Variants in CSMD1 observed in about 807,000 individuals in gnomAD.
CSMD1 encodes CUB and Sushi multiple domains 1.
Under a neutral mutation model 417.5 loss-of-function variants are expected in CSMD1, and 213 were observed. The observed-to-expected ratio is 0.51, with a 90% CI of 0.46 to 0.57. CSMD1 has a LOEUF of 0.57. Ranked by LOEUF, CSMD1 falls within the 20% of genes least tolerant of loss-of-function variation. CSMD1 has a pLI of 0.00. For synonymous variants in CSMD1, 2,862 were observed against 1,736.8 expected (o/e 1.65, Z -16.11); for missense variants, 6,923 against 4,529.7 (o/e 1.53, Z -15.17).
At chr8:3,283,908 A>G (rs1367946701) in intron 26 of CSMD1, among the ~76,000 whole-genome samples, 2 of 152,270 alleles carry the variant, frequency 1.3e-5, no homozygotes, top group African/African-American at 4.8e-5. Context: ...ATGCACATCA[A>G]ATGAGTTTGG....
rs56272726 is a variant in CSMD1 at position 3,709,680 on chromosome 8, GTTTTTTTTTT to G, written c.932-1199_932-1190del. ...GATGGGCTTTAAATTGCAGCAGCAT[GTTTTTTTTTT>G]TTTTTTTTTTTTTTTTTTTCCCTGC... On this transcript the variant is annotated intron_variant, in intron 6 of 69. Transcript: ENST00000635120. Among the ~76,000 whole-genome samples the G allele has an allele frequency of 1.0e-3, 34 of 33,698 alleles. 2 individuals carry two copies. Among genetic ancestry groups the G allele is most frequent in the East Asian group, 3.0e-3 (2 of 676 alleles). The allele number at this position is 33,698 out of a possible 152,430, so 22.1% of individuals were successfully genotyped here. A position where few individuals can be genotyped will look rare whatever the true frequency, so the allele number is the denominator to read the frequency against.
In CSMD1 at chr8:3,182,532, G is replaced by T. The variant is rs968644971; in HGVS notation, c.5621-1318C>A. Among the ~76,000 whole-genome samples, 4 of 150,726 alleles carry T rather than the reference G, an allele frequency of 2.7e-5. No homozygotes were observed. The Middle Eastern group carries it at 9.6e-3, about 360-fold the overall frequency. On this transcript the variant is annotated intron_variant, in intron 36 of 69. Coordinates refer to ENST00000635120, the MANE Select transcript of CSMD1 (RefSeq NM_033225.6). ...ACCCGGCCCCCAAGAGATTTGATCA[G>T]ACCAATAACCCCAGGCAAGGACTCT...
intron 3 of CSMD1, among the ~76,000 whole-genome samples, chr8:4,154,625 G>A (rs1456593308): frequency 6.6e-6 from 1 of 152,146 alleles, no homozygotes; most frequent in Non-Finnish European, 1.5e-5. Context: ...AAAGGCCTAA[G>A]TAAAAAGTTT....
At chr8:3,968,235 T>C (rs895320274) in intron 5 of CSMD1, among the ~76,000 whole-genome samples, 9 of 151,918 alleles carry the variant, frequency 5.9e-5, no homozygotes, top group African/African-American at 2.2e-4. Flanking sequence ...TGTGCCATAA[T>C]CATATTTCTC....
chr8:4,630,527 T>C (rs890084681), intron 2 of CSMD1, among the ~76,000 whole-genome samples: 1 of 152,118 alleles, frequency 6.6e-6, no homozygotes, highest in Non-Finnish European at 1.5e-5. Context: ...CCAGTAATGA[T>C]TGAGCTTACC....
rs76403573 is a variant in CSMD1 at position 4,973,669 on chromosome 8, C to G, written c.85+20663G>C. Among the ~76,000 whole-genome samples, 197 of 152,158 alleles carry G rather than the reference C, an allele frequency of 1.3e-3. 3 individuals are homozygous for G. The East Asian group carries it at 0.021, about 16-fold the overall frequency. ...AGTACACTCTATTGAAGAATAATAC[C>G]CATTCATTATCCTGACCATAAGCAG... On this transcript the variant is annotated intron_variant, in intron 1 of 69. Coordinates refer to ENST00000635120, the MANE Select transcript of CSMD1 (RefSeq NM_033225.6).
intron 5 of CSMD1, among the ~76,000 whole-genome samples, chr8:3,892,699 G>C (rs868685014): frequency 4.2e-5 from 6 of 144,204 alleles, no homozygotes; most frequent in Middle Eastern, 3.7e-3. Context: ...GCACTTATTT[G>C]AGTACATTTA....
intron 8 of CSMD1, among the ~76,000 whole-genome samples, chr8:3,597,966 C>G (rs886222563): frequency 2.0e-5 from 3 of 152,118 alleles, no homozygotes; most frequent in Non-Finnish European, 4.4e-5. Flanking sequence ...GCACATGTAC[C>G]CCAGAACTTA....
chr8:4,702,165 A>C lies in CSMD1; in HGVS notation c.86-64607T>G, dbSNP rs528551997. 2.2e-3 allele frequency among the ~76,000 whole-genome samples: 336 copies of C among 152,326 alleles called. 2 individuals are homozygous for C. The highest frequency in any genetic ancestry group is 7.6e-3 in the African/African-American group (317 of 41,576). ...AAAATAGCTAATGAATGCTGGGCTT[A>C]ATACCTAGGTGATGGGTTGACAGGT... On this transcript the variant is annotated intron_variant, in intron 1 of 69. Coordinates refer to ENST00000635120, the MANE Select transcript of CSMD1 (RefSeq NM_033225.6).
intron 41 of CSMD1, among the ~76,000 whole-genome samples, chr8:3,125,092 G>C (rs1817423834): frequency 6.6e-6 from 1 of 152,106 alleles, no homozygotes; most frequent in South Asian, 2.1e-4. Flanking sequence ...TCCAAACTTG[G>C]ATTCACTGTC....
intron 5 of CSMD1, among the ~76,000 whole-genome samples, chr8:3,875,893 C>G (rs1163477422): frequency 6.6e-6 from 1 of 152,136 alleles, no homozygotes; most frequent in Non-Finnish European, 1.5e-5. Context: ...TAGGAAATCA[C>G]AAGCAAATTT....
At chr8:4,742,256 T>TAA (rs1810664713) in intron 1 of CSMD1, among the ~76,000 whole-genome samples, 1 of 151,450 alleles carries the variant, frequency 6.6e-6, no homozygotes, top group African/African-American at 2.4e-5. Context: ...GGTCTCGATC[T>TAA]CCTGACCTCA....
chr8:2,982,966 G>C (rs540403664), intron 54 of CSMD1, among the ~76,000 whole-genome samples: 45 of 152,188 alleles, frequency 3.0e-4, no homozygotes, highest in Non-Finnish European at 5.9e-4. Context: ...CCTCTCCATG[G>C]CACAGATGCT....
At chr8:4,205,589 G>C (rs553788159) in intron 3 of CSMD1, among the ~76,000 whole-genome samples, 2 of 152,228 alleles carry the variant, frequency 1.3e-5, no homozygotes, top group East Asian at 1.9e-4. Flanking sequence ...TAAATGATGG[G>C]GTAGGATGAA....
intron 3 of CSMD1, among the ~76,000 whole-genome samples, chr8:4,150,177 C>T (rs969318933): frequency 3.9e-5 from 6 of 152,148 alleles, no homozygotes; most frequent in Admixed American, 2.6e-4. Flanking sequence ...CCAGGTATGT[C>T]CTGAGGCATC....
rs545629527 is a variant in CSMD1 at position 3,943,565 on chromosome 8, T to C, written c.818+54338A>G. Among the ~76,000 whole-genome samples the C allele has an allele frequency of 1.2e-4, 18 of 152,190 alleles. 1 individual carries two copies. The South Asian group carries it at 3.7e-3, about 32-fold the overall frequency. On this transcript the variant is annotated intron_variant, in intron 5 of 69. Transcript: ENST00000635120. ...AATCTCTCAAAAAATATGTATTATT[T>C]ACAAAAAGAAAAATAGTGACTTTTC...
chr8:4,419,551 T>C (rs9650515), intron 3 of CSMD1, among the ~76,000 whole-genome samples: 133,139 of 152,204 alleles, frequency 0.87, 58,397 homozygotes, highest in Middle Eastern at 0.95. Context: ...ACAACAAAAG[T>C]TCATTTAATG....
Position 2,962,648 on chromosome 8 carries a change from G to A in CSMD1, c.9455-9C>T. 6.2e-7 allele frequency: 1 copy of A among 1,611,530 alleles called. No homozygotes were observed. The highest frequency in any genetic ancestry group is 8.5e-7 in the Non-Finnish European group (1 of 1,178,462). The stretch of plus-strand genomic sequence containing the variant: ...GTCTCCGCAGAACACAGCTATGGAA[G>A]ATAACCAGGAAGAAGTCAGCCTTCA... On this transcript the variant is annotated splice_polypyrimidine_tract_variant and intron_variant, in intron 60 of 69. Transcript: ENST00000635120.
In CSMD1 at chr8:3,839,479, A is replaced by C. The variant is rs1384917999; in HGVS notation, c.819-85437T>G. Reference sequence around the variant, plus strand: ...AATATATTATATATTATATAATTATATTATATATTTATATATTAATATATA... The same window carrying C: ...AATATATTATATATTATATAATTATCTTATATATTTATATATTAATATATA... On this transcript the variant is annotated intron_variant, in intron 5 of 69. Transcript: ENST00000635120. 4.8e-5 allele frequency among the ~76,000 whole-genome samples: 6 copies of C among 126,054 alleles called. No homozygotes were observed. The East Asian group carries it at 1.3e-3, about 27-fold the overall frequency. 82.7% of individuals were successfully genotyped at this position (126,054 alleles called of 152,430 possible).
Sources: allele counts gnomAD v4.1 joint callset (sites outside exome capture counted in the v4.1 genomes callset), GRCh38; gene constraint gnomAD v4.1.1; transcripts MANE v1.5; gene names NCBI Gene and HGNC (gene_info 2026-07-23, HGNC 2026-07-21).